Variants in PARD3B observed in about 807,000 individuals in gnomAD.
PARD3B encodes par-3 family cell polarity regulator beta.
Under a neutral mutation model 130.2 loss-of-function variants are expected in PARD3B, and 103 were observed. The observed-to-expected ratio is 0.79, with a 90% CI of 0.67 to 0.93. PARD3B has a LOEUF of 0.93. Ranked by LOEUF, PARD3B falls within the 40% of genes least tolerant of loss-of-function variation. PARD3B has a pLI of 0.00. For missense variants in PARD3B, 1,609 were observed against 1,499.2 expected, an observed-to-expected ratio of 1.07 and a Z score of -1.21; for synonymous variants, 583 against 553.2, an observed-to-expected ratio of 1.05 and a Z score of -0.76.
intron 19 of PARD3B, among the ~76,000 whole-genome samples, chr2:205,413,592 T>C (rs1269709757): frequency 6.6e-6 from 1 of 152,144 alleles, no homozygotes; most frequent in Non-Finnish European, 1.5e-5. Context: ...TTTAGAGATA[T>C]AAGACTTTCC....
chr2:205,521,648 T>G (rs2051064774), intron 21 of PARD3B, among the ~76,000 whole-genome samples: 1 of 152,150 alleles, frequency 6.6e-6, no homozygotes, highest in Non-Finnish European at 1.5e-5. Context: ...TACACTTACA[T>G]GCTGTCTGTT....
chr2:205,024,855 C>A (rs1294879369), intron 3 of PARD3B, among the ~76,000 whole-genome samples: 1 of 152,268 alleles, frequency 6.6e-6, no homozygotes, highest in South Asian at 2.1e-4. Flanking sequence ...AAACAGCATG[C>A]CCTCTGGCAC....
chr2:205,514,832 T>TG (rs2050727031), intron 21 of PARD3B, among the ~76,000 whole-genome samples: 1 of 42,310 alleles, frequency 2.4e-5, no homozygotes, highest in South Asian at 1.9e-3. Context: ...TTCTTACAGT[T>TG]CTTTTTTTTT....
chr2:205,021,839 G>C lies in PARD3B; in HGVS notation c.395-25742G>C, dbSNP rs147860914. ...AGGTCCCTTGGATTCTGTAGCACTG[G>C]TTTTATTCCTACACTTTACCCCCTC... On this transcript the variant is annotated intron_variant, in intron 3 of 22. Coordinates refer to ENST00000406610, the MANE Select transcript of PARD3B (RefSeq NM_001302769.2). This position sits in a 1 kb window ranked among gnomAD's most constrained non-coding sequence, Gnocchi z 4.5. 6.8e-4 allele frequency among the ~76,000 whole-genome samples: 104 copies of C among 152,142 alleles called. No homozygotes were observed. In the East Asian group the frequency reaches 0.015, roughly 22 times the overall value.
At chr2:204,565,921 A>G (rs1046398020) in intron 1 of PARD3B, among the ~76,000 whole-genome samples, 6 of 152,216 alleles carry the variant, frequency 3.9e-5, no homozygotes, top group African/African-American at 7.2e-5. Flanking sequence ...CTTACACACA[A>G]TGTCAAAAAC....
In PARD3B at chr2:205,229,161, G is replaced by A. The variant is rs975471467; in HGVS notation, c.2141-16617G>A. On this transcript the variant is annotated intron_variant, in intron 15 of 22. Coordinates refer to ENST00000406610, the MANE Select transcript of PARD3B (RefSeq NM_001302769.2). The surrounding 1 kb of genome is among the most constrained non-coding windows in gnomAD (Gnocchi z 5.2). ...TCATGTTTTCCTGGATGGTCTTGAG[G>A]CTTGTGATTGTTTATCATTGTCTCA... Among the ~76,000 whole-genome samples the A allele has an allele frequency of 2.6e-5, 4 of 152,176 alleles. No individual in the cohort carries two copies. The highest frequency in any genetic ancestry group is 1.5e-5 in the Non-Finnish European group (1 of 68,046).
chr2:204,925,992 C>G (rs1309456409), intron 2 of PARD3B, among the ~76,000 whole-genome samples: 2 of 147,578 alleles, frequency 1.4e-5, no homozygotes, highest in Non-Finnish European at 3.1e-5. Context: ...CCTGAGGCCT[C>G]CCCAGCCATG....
chr2:205,066,294 C>T (rs1407668534), intron 4 of PARD3B, among the ~76,000 whole-genome samples: 1 of 152,164 alleles, frequency 6.6e-6, no homozygotes, highest in East Asian at 1.9e-4. Flanking sequence ...GCATGGTTAA[C>T]ATCAAACACG....
intron 22 of PARD3B, among the ~76,000 whole-genome samples, chr2:205,583,377 CTGTGTGTG>C (rs139162850): frequency 3.3e-5 from 5 of 150,374 alleles, no homozygotes; most frequent in African/African-American, 1.2e-4. Flanking sequence ...CTCCTAAGCT[CTGTGTGTG>C]TGTGTGTGTG....
intron 16 of PARD3B, among the ~76,000 whole-genome samples, chr2:205,294,300 G>T (rs934808528): frequency 7.9e-5 from 12 of 152,040 alleles, no homozygotes; most frequent in African/African-American, 2.4e-4. Flanking sequence ...TAACCACTAA[G>T]TTGAACCATG....
At chr2:205,501,144 A>G (rs950771747) in intron 21 of PARD3B, among the ~76,000 whole-genome samples, 6 of 152,202 alleles carry the variant, frequency 3.9e-5, no homozygotes, top group Admixed American at 3.9e-4. Flanking sequence ...GGGTGTGAAA[A>G]TCAGTTTCAG....
chr2:205,614,725 A>C (rs1283035915), intron 22 of PARD3B, among the ~76,000 whole-genome samples: 2 of 152,036 alleles, frequency 1.3e-5, no homozygotes, highest in East Asian at 3.9e-4. Flanking sequence ...ATTAAAAAAA[A>C]AAAAAGAGCT....
intron 2 of PARD3B, among the ~76,000 whole-genome samples, chr2:204,874,022 A>C (rs2045741012): frequency 6.6e-6 from 1 of 152,116 alleles, no homozygotes; most frequent in Non-Finnish European, 1.5e-5. Context: ...GGGTACCTGT[A>C]ATCCCAGCTA....
intron 18 of PARD3B, among the ~76,000 whole-genome samples, chr2:205,380,914 G>GAATATATTATATATAATATAT (rs1574863295): frequency 1.3e-5 from 1 of 76,410 alleles, no homozygotes; most frequent in Non-Finnish European, 2.1e-5. Flanking sequence ...AATATATAAA[G>GAATATATTATATATAATATAT]AATATATATA....
intron 2 of PARD3B, among the ~76,000 whole-genome samples, chr2:204,868,816 G>A (rs1388379064): frequency 1.3e-5 from 2 of 152,202 alleles, no homozygotes; most frequent in African/African-American, 2.4e-5. Context: ...GACTAGTTAA[G>A]TTGAGACGAT....
chr2:205,029,631 G>A (rs1697286638), intron 3 of PARD3B, among the ~76,000 whole-genome samples: 1 of 152,162 alleles, frequency 6.6e-6, no homozygotes, highest in Admixed American at 6.6e-5. Context: ...GTGACTGCTT[G>A]GAATCTTTAG....
At chr2:205,372,366 T>C (rs1057078863) in intron 18 of PARD3B, among the ~76,000 whole-genome samples, 47 of 152,300 alleles carry the variant, frequency 3.1e-4, no homozygotes, top group African/African-American at 1.1e-3. Context: ...AGTTTTGAAG[T>C]GGTTTTGAGT....
Position 205,499,939 on chromosome 2 carries a change from C to G in PARD3B, c.3088C>G (p.Arg1030Gly). ...AAGCACTGACCGTATCCAGAAGTTG[C>G]GGAAAGAGTATTATCAGGCTCGGAG... ...GGSTDRIQKL[R>G]KEYYQARREG... The change falls in exon 21 of 23, where the codon CGG becomes GGG. Residue 1030 changes from arginine (R) to glycine (G), a missense_variant. Physicochemically the swap from Arg to Gly is moderately radical, Grantham distance 125. Coordinates refer to ENST00000406610, the MANE Select transcript of PARD3B (RefSeq NM_001302769.2). The G allele has an allele frequency of 1.2e-6, 2 of 1,613,600 alleles. No individual in the cohort carries two copies. The highest frequency in any genetic ancestry group is 1.7e-6 in the Non-Finnish European group (2 of 1,179,670).
intron 1 of PARD3B, among the ~76,000 whole-genome samples, chr2:204,656,983 A>G (rs894368506): frequency 2.0e-5 from 3 of 152,194 alleles, no homozygotes; most frequent in Non-Finnish European, 4.4e-5. Context: ...ATGTCTCTGG[A>G]TACCCAGAGT....
Sources: gnomAD v4.1 joint callset for allele counts (sites outside exome capture counted in the v4.1 genomes callset) on GRCh38, gnomAD v4.1.1 for gene constraint, Gnocchi (gnomAD v3.1) non-coding constraint, MANE v1.5 for transcripts, NCBI Gene and HGNC (gene_info 2026-07-23, HGNC 2026-07-21) for gene names.